The following NFIB variants were observed in gnomAD, a reference collection of about 807,000 sequenced individuals.
NFIB encodes nuclear factor 1 B-type.
Under a neutral mutation model 61.5 loss-of-function variants are expected in NFIB, and 11 were observed. The observed-to-expected ratio is 0.18, with a 90% confidence interval of 0.11 to 0.30. The LOEUF is 0.30. Ranked by LOEUF, NFIB falls within the 10% of genes least tolerant of loss-of-function variation. NFIB has a pLI of 1.00. For missense variants in NFIB, 471 were observed against 608.9 expected, an observed-to-expected ratio of 0.77 and a Z score of 2.38; for synonymous variants, 260 against 216.5, an observed-to-expected ratio of 1.20 and a Z score of -1.76.
intron 10 of NFIB, chr9:14,096,571 T>C (rs1222573184): frequency 6.6e-6 from 1 of 152,202 alleles, no homozygotes; most frequent in Non-Finnish European, 1.5e-5. Context: ...CATAATCATG[T>C]GGAAAATGGA....
At chr9:14,164,688 G>A (rs2044581972) in intron 3 of NFIB, among the ~76,000 whole-genome samples, 1 of 152,130 alleles carries the variant, frequency 6.6e-6, no homozygotes, top group African/African-American at 2.4e-5. Flanking sequence ...GCAAGTATTA[G>A]TAAACTAAAA....
chr9:14,409,337 G>A, the NFIB span, among the ~76,000 whole-genome samples: 4 of 152,146 alleles, frequency 2.6e-5, no homozygotes, highest in African/African-American at 9.7e-5. Context: ...TTATGAGCAG[G>A]TGCAAGCCAG....
intron 2 of NFIB, among the ~76,000 whole-genome samples, chr9:14,240,463 T>G (rs1444651005): frequency 2.0e-5 from 3 of 152,146 alleles, no homozygotes; most frequent in Non-Finnish European, 4.4e-5. Context: ...AAAAAAGATC[T>G]TACTATTCAG....
At chr9:14,251,804 C>G (rs1005386079) in intron 2 of NFIB, among the ~76,000 whole-genome samples, 1 of 152,310 alleles carries the variant, frequency 6.6e-6, no homozygotes, top group Middle Eastern at 3.4e-3. Context: ...GCACATGGCA[C>G]ACTTAGAGAA....
the NFIB span, among the ~76,000 whole-genome samples, chr9:14,507,071 TA>T: frequency 6.6e-6 from 1 of 152,222 alleles, no homozygotes; most frequent in African/African-American, 2.4e-5. Flanking sequence ...TAAAATCATT[TA>T]AAAAAGTTTT....
intron 2 of NFIB, among the ~76,000 whole-genome samples, chr9:14,303,945 A>G (rs1257334908): frequency 6.6e-6 from 1 of 152,214 alleles, no homozygotes. Flanking sequence ...ATAAACAACT[A>G]TATTGAACAT....
intron 2 of NFIB, among the ~76,000 whole-genome samples, chr9:14,285,455 A>C (rs1205285612): frequency 6.6e-6 from 1 of 152,210 alleles, no homozygotes; most frequent in Non-Finnish European, 1.5e-5. Flanking sequence ...TCAATAAGTG[A>C]AATGAGTTTT....
intron 2 of NFIB, among the ~76,000 whole-genome samples, chr9:14,276,233 C>G (rs1225713166): frequency 6.6e-6 from 1 of 152,122 alleles, no homozygotes; most frequent in Non-Finnish European, 1.5e-5. Context: ...TGTTCTTAAT[C>G]CCCAGATCTA....
intron 1 of NFIB, among the ~76,000 whole-genome samples, chr9:14,330,142 A>G (rs1317164029): frequency 6.6e-6 from 1 of 152,140 alleles, no homozygotes; most frequent in African/African-American, 2.4e-5. Context: ...ACAAAACAGA[A>G]AACAAAGAAA....
intron 2 of NFIB, among the ~76,000 whole-genome samples, chr9:14,224,857 G>A (rs1044697443): frequency 6.6e-6 from 1 of 152,142 alleles, no homozygotes; most frequent in Non-Finnish European, 1.5e-5. Context: ...TTCCCTGAGA[G>A]GATAAGTGGT....
the NFIB span, among the ~76,000 whole-genome samples, chr9:14,453,392 CT>C: frequency 6.6e-6 from 1 of 152,222 alleles, no homozygotes; most frequent in South Asian, 2.1e-4. Flanking sequence ...TCCCTTAATA[CT>C]TTTCAAAAAT....
the NFIB span, among the ~76,000 whole-genome samples, chr9:14,422,579 T>C: frequency 6.6e-6 from 1 of 152,234 alleles, no homozygotes; most frequent in East Asian, 1.9e-4. Flanking sequence ...AACACACTTA[T>C]AAAACCCAAC....
chr9:14,400,760 G>C (rs747991712), upstream of NFIB, among the ~76,000 whole-genome samples: 1 of 152,218 alleles, frequency 6.6e-6, no homozygotes, highest in Non-Finnish European at 1.5e-5. Context: ...TCATTATTGA[G>C]AAAAAGTGGA....
intron 2 of NFIB, among the ~76,000 whole-genome samples, chr9:14,220,820 T>C (rs2051547526): frequency 6.8e-6 from 1 of 147,118 alleles, no homozygotes; most frequent in Non-Finnish European, 1.5e-5. Context: ...TTCTGCTCTA[T>C]ATCCAGTGAA....
chr9:14,280,700 G>A (rs2058314944), intron 2 of NFIB, among the ~76,000 whole-genome samples: 1 of 152,034 alleles, frequency 6.6e-6, no homozygotes, highest in South Asian at 2.1e-4. Context: ...GCTCAGTGTG[G>A]GTGCATAGGA....
intron 2 of NFIB, among the ~76,000 whole-genome samples, chr9:14,253,419 A>G (rs928664508): frequency 1.1e-4 from 16 of 152,238 alleles, no homozygotes; most frequent in African/African-American, 3.6e-4. Context: ...GTACAGAGGC[A>G]GAATAGCCTG....
chr9:14,367,013 C>G (rs1019904010), intron 1 of NFIB, among the ~76,000 whole-genome samples: 7 of 152,108 alleles, frequency 4.6e-5, no homozygotes, highest in African/African-American at 1.7e-4. Context: ...ACTCTAAACG[C>G]TAAATGTAAC....
chr9:14,526,980 C>G, the NFIB span, among the ~76,000 whole-genome samples: 1 of 152,110 alleles, frequency 6.6e-6, no homozygotes, highest in Non-Finnish European at 1.5e-5. Context: ...GGATACTTTT[C>G]TTTATCCAAA....
At chr9:14,242,796 A>G (rs117385507) in intron 2 of NFIB, among the ~76,000 whole-genome samples, 1 of 152,346 alleles carries the variant, frequency 6.6e-6, no homozygotes, top group East Asian at 1.9e-4. Context: ...GTTCAGGTCT[A>G]GGGTTCAATT....
Sources: gnomAD v4.1 joint callset for allele counts (sites outside exome capture counted in the v4.1 genomes callset) on GRCh38, gnomAD v4.1.1 for gene constraint, MANE v1.5 for transcripts, NCBI Gene and HGNC (gene_info 2026-07-23, HGNC 2026-07-21) for gene names.